KIAA1549: variants seen among roughly 807,000 people sequenced by gnomAD.
KIAA1549 encodes the protein KIAA1549, also known as UPF0606 protein KIAA1549.
In KIAA1549, 70 loss-of-function variants were observed where a neutral mutation model predicts 156.4. The observed-to-expected ratio is 0.45, with a 90% CI of 0.37 to 0.55. KIAA1549 has a LOEUF of 0.55. Among genes scored for constraint, KIAA1549 ranks in the 20% least tolerant of loss-of-function variants. The probability of loss-of-function intolerance (pLI) is 0.00; values close to 1 mark genes in which losing one functional copy is unlikely to be tolerated. For missense variants in KIAA1549, 2,428 were observed against 2,540.9 expected (o/e 0.96, Z 0.96); for synonymous variants, 1,103 against 1,066.4 (o/e 1.03, Z -0.67).
intron 16 of KIAA1549, among the ~76,000 whole-genome samples, chr7:138,857,261 A>G (rs1304947406): frequency 3.9e-5 from 6 of 152,078 alleles, no homozygotes; most frequent in Admixed American, 1.3e-4. Context: ...CACACACACT[A>G]CTAGTTCTGC....
chr7:138,974,510 G>A (rs781563181), intron 1 of KIAA1549, among the ~76,000 whole-genome samples: 7 of 152,026 alleles, frequency 4.6e-5, no homozygotes, highest in Non-Finnish European at 8.8e-5. Flanking sequence ...TCAGCTCACC[G>A]CAACCTTTGC....
At chr7:138,920,619 T>C (rs1240836975) in intron 1 of KIAA1549, among the ~76,000 whole-genome samples, 1 of 152,232 alleles carries the variant, frequency 6.6e-6, no homozygotes, top group Non-Finnish European at 1.5e-5. Flanking sequence ...TCTCCACCGA[T>C]AATTCAGGTA....
chr7:138,899,198 G>A, intron 8 of KIAA1549, 66 bp from the exon 9 acceptor site: 4 of 1,440,864 alleles, frequency 2.8e-6, no homozygotes, highest in Non-Finnish European at 3.9e-6. Context: ...CTCTCAGGTT[G>A]CTGAATCCTG....
intron 17 of KIAA1549, among the ~76,000 whole-genome samples, chr7:138,848,901 A>G (rs1168282796): frequency 2.0e-5 from 3 of 152,126 alleles, no homozygotes; most frequent in Admixed American, 2.0e-4. Flanking sequence ...TTTCCATTAC[A>G]GAAAAAAAAT....
intron 1 of KIAA1549, among the ~76,000 whole-genome samples, chr7:138,959,576 T>A (rs148443365): frequency 4.4e-4 from 67 of 152,366 alleles, no homozygotes; most frequent in African/African-American, 1.6e-3. Context: ...TAACCCTGAC[T>A]GTTGGTTATC....
At chr7:138,849,829 C>T (rs1282289143) in intron 17 of KIAA1549, among the ~76,000 whole-genome samples, 1 of 152,156 alleles carries the variant, frequency 6.6e-6, no homozygotes, top group Non-Finnish European at 1.5e-5. Flanking sequence ...GTTTTCTGTT[C>T]CTGCATTAGT....
At chr7:138,870,975 G>A (rs1810912062) in intron 13 of KIAA1549, among the ~76,000 whole-genome samples, 182 bp downstream of exon 13, 1 of 151,990 alleles carries the variant, frequency 6.6e-6, no homozygotes, top group African/African-American at 2.4e-5. Flanking sequence ...CCGCCACCAC[G>A]CCCAGCTAAT....
intron 14 of KIAA1549, among the ~76,000 whole-genome samples, chr7:138,868,916 G>A (rs369940198): frequency 9.9e-5 from 15 of 152,190 alleles, no homozygotes; most frequent in Non-Finnish European, 1.0e-4. Flanking sequence ...GGGCCGGCCT[G>A]CGACGGGAGC....
chr7:138,873,230 T>C (rs543331427), intron 12 of KIAA1549, among the ~76,000 whole-genome samples: 2 of 152,296 alleles, frequency 1.3e-5, no homozygotes, highest in South Asian at 4.1e-4. Context: ...TCAGAAGTCA[T>C]TTGGCTGATT....
intron 17 of KIAA1549, among the ~76,000 whole-genome samples, chr7:138,846,198 C>A (rs1810066960): frequency 6.6e-6 from 1 of 152,068 alleles, no homozygotes; most frequent in South Asian, 2.1e-4. Flanking sequence ...AATATGATGA[C>A]TACTCATACA....
intron 10 of KIAA1549, among the ~76,000 whole-genome samples, chr7:138,888,563 TCTTTTCTA>T (rs1231814421): frequency 6.6e-6 from 1 of 152,242 alleles, no homozygotes; most frequent in African/African-American, 2.4e-5. Flanking sequence ...CATCTATGTG[TCTTTTCTA>T]AACCCCACAC....
chr7:138,940,413 G>A (rs376443391), intron 1 of KIAA1549, among the ~76,000 whole-genome samples: 4,278 of 139,114 alleles, frequency 0.031, 174 homozygotes, highest in Middle Eastern at 0.095. Flanking sequence ...CCAGTCTATC[G>A]TTGTTGGACA....
In KIAA1549 at chr7:138,918,328, A is replaced by G; in HGVS notation, c.1298T>C (p.Leu433Pro). The change falls in exon 2 of 20, where the codon CTG becomes CCG. Residue 433 changes from leucine (L) to proline (P), a missense_variant. Physicochemically the swap from Leu to Pro is moderately conservative, Grantham distance 98 (BLOSUM62 -3). Transcript: ENST00000422774. The surrounding 1 kb of genome is among the most constrained non-coding windows in gnomAD (Gnocchi z 4.2). ...ACTVPSPQQV[L>P]ATSLMEKDVG... ...GTCTTTCTCCATGAGGCTCGTGGCC[A>G]GAACTTGCTGAGGTGAAGGCACAGT... 6.2e-7 allele frequency: 1 copy of G among 1,613,990 alleles called. No individual in the cohort carries two copies. The highest frequency in any genetic ancestry group is 8.5e-7 in the Non-Finnish European group (1 of 1,179,896).
intron 16 of KIAA1549, among the ~76,000 whole-genome samples, chr7:138,857,724 T>C (rs1810434494): frequency 6.6e-6 from 1 of 152,232 alleles, no homozygotes; most frequent in Admixed American, 6.5e-5. Flanking sequence ...AATGCTTTAT[T>C]ATGAAATGAT....
intron 3 of KIAA1549, 43 bp downstream of exon 3, chr7:138,912,329 C>G (rs1180761978): frequency 6.9e-7 from 1 of 1,456,750 alleles, no homozygotes; most frequent in Non-Finnish European, 9.6e-7. Context: ...CACATCAGCC[C>G]CAGTCTCACC....
Position 138,924,791 on chromosome 7 carries a change from C to T in KIAA1549, c.188-5353G>A, listed in dbSNP as rs150976359. 1.2e-4 allele frequency among the ~76,000 whole-genome samples: 19 copies of T among 152,162 alleles called. No individual in the cohort carries two copies. In the East Asian group the frequency reaches 3.5e-3, roughly 28 times the overall value. ...CGAGTCTCTCTCACAGCATGAAAGG[C>T]GTCAGGGACTCTAATTTCAAGCCCT... On this transcript the variant is annotated intron_variant, in intron 1 of 19. Transcript: ENST00000422774.
chr7:138,922,594 T>A (rs1253920889), intron 1 of KIAA1549, among the ~76,000 whole-genome samples: 1 of 151,940 alleles, frequency 6.6e-6, no homozygotes, highest in Non-Finnish European at 1.5e-5. Flanking sequence ...CCAGAAATAT[T>A]TTTAAAACAT....
chr7:138,867,417 T>C (rs1384170725), intron 15 of KIAA1549, among the ~76,000 whole-genome samples: 2 of 151,920 alleles, frequency 1.3e-5, no homozygotes, highest in Non-Finnish European at 2.9e-5. Flanking sequence ...TAGCTGGGCA[T>C]GGTGGCATAT....
At chr7:138,962,896 C>A (rs1813896072) in intron 1 of KIAA1549, among the ~76,000 whole-genome samples, 1 of 152,240 alleles carries the variant, frequency 6.6e-6, no homozygotes, top group Non-Finnish European at 1.5e-5. Context: ...ACATCCCCCA[C>A]AGTTCTGCGG....
Sources: gnomAD v4.1 joint callset for allele counts (sites outside exome capture counted in the v4.1 genomes callset) on GRCh38, gnomAD v4.1.1 for gene constraint, Gnocchi (gnomAD v3.1) non-coding constraint, MANE v1.5 for transcripts, NCBI Gene and HGNC (gene_info 2026-07-23, HGNC 2026-07-21) for gene names.